ATG16L1: variants seen among roughly 807,000 people sequenced by gnomAD.
The protein encoded by ATG16L1 is autophagy related 16 like 1, also known as autophagy-related protein 16-1.
Under a neutral mutation model 88.5 loss-of-function variants are expected in ATG16L1, and 37 were observed. The ratio of observed to expected loss-of-function variants is 0.42; its 90% CI spans 0.32 to 0.55. The LOEUF (loss-of-function observed/expected upper bound fraction) is 0.55. ATG16L1 is among the 20% of genes least tolerant of loss of function. ATG16L1 has a pLI of 0.13. For missense variants in ATG16L1, 554 were observed against 752.8 expected, an observed-to-expected ratio of 0.74 and a Z score of 3.09; for synonymous variants, 301 against 281.0, an observed-to-expected ratio of 1.07 and a Z score of -0.71.
chr2:233,264,805 A>G (rs1482529879), intron 4 of ATG16L1, 87 bp from the exon 5 acceptor site: 2 of 1,537,512 alleles, frequency 1.3e-6, no homozygotes, highest in African/African-American at 2.7e-5. Flanking sequence ...TAACAGACAC[A>G]AAGTGTTAAG....
chr2:233,251,699 T>G lies in ATG16L1; in HGVS notation c.-129T>G, dbSNP rs2289477. 0.48 allele frequency: 374,578 copies of G among 780,986 alleles called. 93,987 individuals carry two copies. Among genetic ancestry groups the G allele is most frequent in the Middle Eastern group, 0.56 (1,717 of 3,086 alleles). 48.4% of individuals were successfully genotyped at this position (780,986 alleles called of 1,614,324 possible). ...GACCGTCCCGGATGGCCTCGGGGAC[T>G]GCCAGTGTGTGGAGGTGAGCTCCGG... On this transcript the variant is annotated 5_prime_UTR_variant, in exon 1 of 18. Coordinates refer to ENST00000392017, the MANE Select transcript of ATG16L1 (RefSeq NM_030803.7).
chr2:233,289,517 C>G (rs1469092427), intron 12 of ATG16L1, among the ~76,000 whole-genome samples: 2 of 152,062 alleles, frequency 1.3e-5, no homozygotes, highest in African/African-American at 4.8e-5. Context: ...TCCCAAGTAG[C>G]TGGGACCCCA....
chr2:233,275,972 G>A (rs745599051), intron 9 of ATG16L1: 3 of 519,068 alleles, frequency 5.8e-6, no homozygotes, highest in South Asian at 4.2e-5. Context: ...GGGTGTGATG[G>A]TGCATGATCT....
chr2:233,253,171 A>G (rs1485364106), intron 1 of ATG16L1, among the ~76,000 whole-genome samples: 1 of 152,118 alleles, frequency 6.6e-6, no homozygotes, highest in Non-Finnish European at 1.5e-5. Flanking sequence ...CTGTGCAGAC[A>G]AATTTTAGTA....
Position 233,265,054 on chromosome 2 carries a change from G to A in ATG16L1, c.552G>A (p.Thr184=), listed in dbSNP as rs574239804. 226 of 1,614,196 alleles carry A rather than the reference G, an allele frequency of 1.4e-4. 3 individuals are homozygous for A. In the South Asian group the frequency reaches 2.1e-3, roughly 15 times the overall value. Residue 184 remains threonine (T), a synonymous_variant, in exon 5 of 18, where the codon ACG becomes ACA. Transcript: ENST00000392017. Reference sequence around the variant, plus strand: ...TGGAGGGAAAACTGAGGAAAACTACGGAAGAGAACCAGGAGCTGGTCACCA... The same window carrying A: ...TGGAGGGAAAACTGAGGAAAACTACAGAAGAGAACCAGGAGCTGGTCACCA... ...TALEGKLRKT[T]EENQELVTRW...
At chr2:233,276,622 G>A (rs1024359510) in intron 9 of ATG16L1, among the ~76,000 whole-genome samples, 4 of 152,044 alleles carry the variant, frequency 2.6e-5, no homozygotes, top group Non-Finnish European at 5.9e-5. Flanking sequence ...ATAGGTATGC[G>A]CTACCACACC....
Position 233,251,907 on chromosome 2 carries a change from T to G in ATG16L1, c.80T>G (p.Leu27Arg). Residue 27 changes from leucine to arginine, a missense_variant, in exon 1 of 18, where the codon CTG becomes CGG. Coordinates refer to ENST00000392017, the MANE Select transcript of ATG16L1 (RefSeq NM_030803.7). ...GAGCAACTGAGGCGCCGGGACCGGCTGCAGAGACAGGCGTTCGAGGAGATC... is the reference window on the plus strand; with the variant it reads ...GAGCAACTGAGGCGCCGGGACCGGCGGCAGAGACAGGCGTTCGAGGAGATC... ...ISEQLRRRDR[L>R]QRQAFEEIIL... 6.4e-7 allele frequency: 1 copy of G among 1,550,662 alleles called. No individual in the cohort carries two copies. The highest frequency in any genetic ancestry group is 8.7e-7 in the Non-Finnish European group (1 of 1,147,570).
chr2:233,278,686 A>C (rs1336713771), intron 10 of ATG16L1, among the ~76,000 whole-genome samples: 1 of 152,350 alleles, frequency 6.6e-6, no homozygotes, highest in Non-Finnish European at 1.5e-5. Flanking sequence ...CTAGCAACTG[A>C]AAAATCTTAG....
intron 9 of ATG16L1, among the ~76,000 whole-genome samples, chr2:233,276,948 A>G (rs1434444109): frequency 1.3e-5 from 2 of 152,232 alleles, no homozygotes; most frequent in South Asian, 2.1e-4. Flanking sequence ...CTGGGTTGCA[A>G]AAACCTTTCT....
chr2:233,281,047 A>C, intron 10 of ATG16L1, 58 bp from the exon 11 acceptor site: 1 of 1,130,196 alleles, frequency 8.8e-7, no homozygotes, highest in Non-Finnish European at 1.3e-6. Context: ...GCCCTGTTTT[A>C]ATGTATTTAT....
At chr2:233,274,053 A>T (rs1374641681) in intron 8 of ATG16L1, 3 of 1,548,992 alleles carry the variant, frequency 1.9e-6, no homozygotes, top group South Asian at 2.4e-5. Flanking sequence ...TGAAACTATT[A>T]TCCTCTCTTA....
intron 10 of ATG16L1, among the ~76,000 whole-genome samples, 191 bp from the exon 11 acceptor site, chr2:233,280,914 C>T (rs779954750): frequency 1.4e-4 from 22 of 152,316 alleles, no homozygotes; most frequent in Non-Finnish European, 3.2e-4. Flanking sequence ...TTGCATTCCT[C>T]TTAGAAACTA....
At chr2:233,273,600 TG>T in intron 7 of ATG16L1, 120 bp from the exon 8 acceptor site, 1 of 922,920 alleles carries the variant, frequency 1.1e-6, no homozygotes, top group Non-Finnish European at 1.7e-6. Flanking sequence ...TTCTCTTGGC[TG>T]GGGTTTGGGA....
rs1007565563 is a variant in ATG16L1 at position 233,290,110 on chromosome 2, G to A, written c.1324+136G>A. 5 of 1,505,552 alleles carry A rather than the reference G, an allele frequency of 3.3e-6. No individual in the cohort carries two copies. The African/African-American group carries it at 6.9e-5, about 21-fold the overall frequency. The allele number at this position is 1,505,552 out of a possible 1,614,324, so 93.3% of individuals were successfully genotyped here. A position where few individuals can be genotyped will look rare whatever the true frequency, so the allele number is the denominator to read the frequency against. On this transcript the variant is annotated intron_variant, in intron 13 of 17. Transcript: ENST00000392017. ...GGCTTCATGTTTAGAGGGGCACTGAGGATAGTGATAGTTTTTCTTGTTTAA... is the reference window on the plus strand; with the variant it reads ...GGCTTCATGTTTAGAGGGGCACTGAAGATAGTGATAGTTTTTCTTGTTTAA...
chr2:233,287,992 A>G (rs778501524), intron 12 of ATG16L1, among the ~76,000 whole-genome samples: 19 of 152,156 alleles, frequency 1.2e-4, no homozygotes, highest in African/African-American at 3.9e-4. Flanking sequence ...CATGGACTGT[A>G]TCTAGTGTAG....
chr2:233,259,740 T>C (rs1697070152), intron 2 of ATG16L1, among the ~76,000 whole-genome samples: 2 of 152,242 alleles, frequency 1.3e-5, no homozygotes, highest in Non-Finnish European at 2.9e-5. Context: ...CTATGGTTCC[T>C]TCTTCCCTCT....
chr2:233,271,801 C>G (rs1435790963), intron 6 of ATG16L1, among the ~76,000 whole-genome samples: 1 of 152,338 alleles, frequency 6.6e-6, no homozygotes, highest in East Asian at 1.9e-4. Flanking sequence ...CTCCTCTCTT[C>G]CTTGTATGGG....
chr2:233,282,645 G>A (rs1698795418), intron 11 of ATG16L1, 37 bp from the exon 12 acceptor site: 1 of 1,563,428 alleles, frequency 6.4e-7, no homozygotes, highest in African/African-American at 1.4e-5. Flanking sequence ...CCTCTGATTT[G>A]GCTAAAAATT....
rs1038612240 is a variant in ATG16L1, at chr2:233,255,246, G to A, written c.116-856G>A. 3.3e-5 allele frequency among the ~76,000 whole-genome samples: 5 copies of A among 152,178 alleles called. 1 individual carries two copies. Among genetic ancestry groups the A allele is most frequent in the Admixed American group, 3.3e-4 (5 of 15,284 alleles). Reference sequence around the variant, plus strand: ...CTTCCAAAGTGCTGCGATTACAGGCGTGAGCCACAGTAATAGGCCTGTGTG... The same window carrying A: ...CTTCCAAAGTGCTGCGATTACAGGCATGAGCCACAGTAATAGGCCTGTGTG... On this transcript the variant is annotated intron_variant, in intron 1 of 17. Coordinates refer to ENST00000392017, the MANE Select transcript of ATG16L1 (RefSeq NM_030803.7).
Sources: allele counts gnomAD v4.1 joint callset (sites outside exome capture counted in the v4.1 genomes callset), GRCh38; gene constraint gnomAD v4.1.1; transcripts MANE v1.5; gene names NCBI Gene and HGNC (gene_info 2026-07-23, HGNC 2026-07-21).